MACROD2: variants seen among roughly 807,000 people sequenced by gnomAD.
MACROD2 encodes the protein mono-ADP ribosylhydrolase 2.
Under a neutral mutation model 70.4 loss-of-function variants are expected in MACROD2, and 36 were observed. That is an observed-to-expected ratio of 0.51 (90% CI 0.39 to 0.68). The LOEUF (loss-of-function observed/expected upper bound fraction) is 0.68. MACROD2 is among the 30% of genes least tolerant of loss of function. MACROD2 has a pLI of 0.00. For missense variants in MACROD2, 496 were observed against 538.4 expected, an observed-to-expected ratio of 0.92 and a Z score of 0.78; for synonymous variants, 172 against 178.8, an observed-to-expected ratio of 0.96 and a Z score of 0.30.
At chr20:15,546,984 G>A (rs992231613) in intron 8 of MACROD2, among the ~76,000 whole-genome samples, 2 of 152,080 alleles carry the variant, frequency 1.3e-5, no homozygotes, top group African/African-American at 4.8e-5. Context: ...CCTTTAATTA[G>A]CAAGCCAGAG....
At chr20:15,724,878 T>G (rs1041731339) in intron 8 of MACROD2, among the ~76,000 whole-genome samples, 4 of 151,986 alleles carry the variant, frequency 2.6e-5, no homozygotes, top group Admixed American at 2.6e-4. Flanking sequence ...GTCAGGAGAT[T>G]GAGACCATCC....
chr20:15,002,788 G>T (rs1438958881), intron 5 of MACROD2, among the ~76,000 whole-genome samples: 1 of 152,096 alleles, frequency 6.6e-6, no homozygotes, highest in Non-Finnish European at 1.5e-5. Context: ...AATCAGACAC[G>T]CTCCACTCTA....
chr20:14,568,293 G>A (rs1353952567), intron 4 of MACROD2, among the ~76,000 whole-genome samples: 1 of 152,050 alleles, frequency 6.6e-6, no homozygotes, highest in African/African-American at 2.4e-5. Context: ...ATCTGACACT[G>A]CAGAAGGCCA....
chr20:14,886,312 AG>A (rs1378830309), intron 5 of MACROD2, among the ~76,000 whole-genome samples: 1 of 152,158 alleles, frequency 6.6e-6, no homozygotes, highest in African/African-American at 2.4e-5. Context: ...GAAGGGCCAG[AG>A]TGGCTGGAGT....
chr20:14,668,835 A>C (rs1267610354), intron 4 of MACROD2, among the ~76,000 whole-genome samples: 3 of 152,122 alleles, frequency 2.0e-5, no homozygotes, highest in African/African-American at 7.2e-5. Context: ...ATCTATACAC[A>C]AACACTTTTT....
chr20:15,492,848 G>T lies in MACROD2; in HGVS notation c.572-6926G>T, dbSNP rs182901344. Among the ~76,000 whole-genome samples the T allele has an allele frequency of 4.3e-4, 65 of 152,310 alleles. 1 individual carries two copies. The highest frequency in any genetic ancestry group is 3.9e-3 in the Admixed American group (59 of 15,290). Reference sequence around the variant, plus strand: ...TCATGTGCAGAGTTCAAGGGAGTTTGATTTTTTTAAACTGCTGCTCCTAAC... The same window carrying T: ...TCATGTGCAGAGTTCAAGGGAGTTTTATTTTTTTAAACTGCTGCTCCTAAC... On this transcript the variant is annotated intron_variant, in intron 7 of 17. Transcript: ENST00000684519.
At chr20:15,292,830 AT>A (rs910476586) in intron 6 of MACROD2, among the ~76,000 whole-genome samples, 7 of 151,886 alleles carry the variant, frequency 4.6e-5, no homozygotes, top group Non-Finnish European at 8.8e-5. Context: ...ATTCAACTGT[AT>A]TTTTTTTCAT....
intron 8 of MACROD2, among the ~76,000 whole-genome samples, chr20:15,628,628 G>A (rs1247636350): frequency 6.6e-6 from 1 of 152,214 alleles, no homozygotes. Flanking sequence ...AGGCTTGGCT[G>A]GAGAAGTCTA....
At chr20:15,781,599 G>A (rs1600882515) in intron 8 of MACROD2, among the ~76,000 whole-genome samples, 1 of 152,168 alleles carries the variant, frequency 6.6e-6, no homozygotes, top group African/African-American at 2.4e-5. Flanking sequence ...GAAGGTGGAA[G>A]TGCCCTTCAA....
chr20:15,422,847 A>AG, intron 6 of MACROD2, among the ~76,000 whole-genome samples: 1 of 152,322 alleles, frequency 6.6e-6, no homozygotes, highest in African/African-American at 2.4e-5. Flanking sequence ...AGAGGTGCTG[A>AG]GGGGATATAC....
chr20:14,188,821 C>T (rs1404053420), intron 3 of MACROD2, among the ~76,000 whole-genome samples: 2 of 152,084 alleles, frequency 1.3e-5, no homozygotes, highest in Non-Finnish European at 2.9e-5. Context: ...GCAGAAAAAA[C>T]AACACAGCCT....
intron 7 of MACROD2, among the ~76,000 whole-genome samples, chr20:15,495,222 G>A (rs1172362577): frequency 6.6e-6 from 1 of 152,174 alleles, no homozygotes; most frequent in Non-Finnish European, 1.5e-5. Flanking sequence ...GCTAAAATCT[G>A]TCTTTGTCTA....
rs116837333 is a variant in MACROD2, at chr20:14,722,791, G to T, written c.418+37832G>T. Among the ~76,000 whole-genome samples the T allele has an allele frequency of 5.3e-5, 8 of 152,166 alleles. No homozygotes were observed. In the East Asian group the frequency reaches 7.7e-4, roughly 15 times the overall value. On this transcript the variant is annotated intron_variant, in intron 5 of 17. Transcript: ENST00000684519. The stretch of plus-strand genomic sequence containing the variant: ...TTAAACAAAAAACAAAAACAAAAAG[G>T]TATTGTCTCTGCTTCTTAGTAGCAC...
chr20:15,967,675 G>C, intron 13 of MACROD2, 45 bp downstream of exon 13: 4 of 646,730 alleles, frequency 6.2e-6, no homozygotes, highest in Non-Finnish European at 6.9e-6. Flanking sequence ...CTTCTGCTGG[G>C]AAACAGAAAA....
chr20:14,943,822 C>G (rs1490558739), intron 5 of MACROD2, among the ~76,000 whole-genome samples: 1 of 152,132 alleles, frequency 6.6e-6, no homozygotes, highest in Non-Finnish European at 1.5e-5. Flanking sequence ...TATAAGACCC[C>G]AGATAGTATC....
intron 8 of MACROD2, among the ~76,000 whole-genome samples, chr20:15,512,550 G>A (rs2047513789): frequency 6.6e-6 from 1 of 152,180 alleles, no homozygotes; most frequent in Non-Finnish European, 1.5e-5. Flanking sequence ...ATTGGTTCCT[G>A]AAACAACTTT....
chr20:15,098,246 C>A (rs1415920704), intron 5 of MACROD2, among the ~76,000 whole-genome samples: 2 of 152,146 alleles, frequency 1.3e-5, no homozygotes, highest in South Asian at 4.1e-4. Flanking sequence ...AAGGGTCTCA[C>A]ATTTTCATTT....
chr20:15,711,567 C>A (rs1165622531), intron 8 of MACROD2, among the ~76,000 whole-genome samples: 1 of 152,340 alleles, frequency 6.6e-6, no homozygotes, highest in Non-Finnish European at 1.5e-5. Context: ...TGATTGCCAG[C>A]ACATCCCAGT....
chr20:15,517,189 C>T (rs1266616615), intron 8 of MACROD2, among the ~76,000 whole-genome samples: 1 of 152,150 alleles, frequency 6.6e-6, no homozygotes, highest in Non-Finnish European at 1.5e-5. Context: ...TTCTCCCTTG[C>T]TCCTACCCTC....
Sources: allele counts gnomAD v4.1 joint callset (sites outside exome capture counted in the v4.1 genomes callset), GRCh38; gene constraint gnomAD v4.1.1; transcripts MANE v1.5; gene names NCBI Gene and HGNC (gene_info 2026-07-23, HGNC 2026-07-21).